The following TDRD12 variants were observed in gnomAD, a reference collection of about 807,000 sequenced individuals.
TDRD12 encodes the protein tudor domain containing 12.
Under a neutral mutation model 133.5 loss-of-function variants are expected in TDRD12, and 158 were observed. The ratio of observed to expected loss-of-function variants is 1.18; its 90% CI spans 1.04 to 1.35. The LOEUF is 1.35. TDRD12 is among the 40% of genes most tolerant of loss of function. TDRD12 has a pLI of 0.00. For synonymous variants in TDRD12, 460 were observed against 477.9 expected (o/e 0.96, Z 0.49); for missense variants, 1,443 against 1,321.3 (o/e 1.09, Z -1.43).
chr19:32,797,986 C>T, intron 15 of TDRD12, 95 bp downstream of exon 15: 1 of 598,514 alleles, frequency 1.7e-6, no homozygotes, highest in Non-Finnish European at 3.0e-6. Context: ...CCTGGGTCCA[C>T]AGTGACATGG....
chr19:32,757,138 C>A lies in TDRD12; in HGVS notation c.865+8C>A. The A allele has an allele frequency of 1.9e-6, 3 of 1,547,682 alleles. No individual in the cohort carries two copies. Among genetic ancestry groups the A allele is most frequent in the Non-Finnish European group, 2.6e-6 (3 of 1,143,374 alleles). ...CAACAGCCACAGCACAGGGTGAGTTCTGCTAATGTGGTTTATTTCATAGGC... is the reference window on the plus strand; with the variant it reads ...CAACAGCCACAGCACAGGGTGAGTTATGCTAATGTGGTTTATTTCATAGGC... On this transcript the variant is annotated splice_region_variant and intron_variant, in intron 8 of 27. Transcript: ENST00000444215.
chr19:32,725,926 A>G (rs1042462248), intron 1 of TDRD12, among the ~76,000 whole-genome samples: 1 of 152,106 alleles, frequency 6.6e-6, no homozygotes, highest in African/African-American at 2.4e-5. Flanking sequence ...TGTAGCAACA[A>G]TTGAATTATT....
intron 1 of TDRD12, among the ~76,000 whole-genome samples, chr19:32,723,375 CA>C (rs1484998211): frequency 2.6e-5 from 4 of 151,822 alleles, no homozygotes; most frequent in African/African-American, 9.7e-5. Context: ...CTCAGCCTCC[CA>C]AGTAGCTGGG....
At chr19:32,810,362 A>C (rs1387751594) in intron 23 of TDRD12, 85 bp downstream of exon 23, 25 of 1,154,706 alleles carry the variant, frequency 2.2e-5, no homozygotes, top group Non-Finnish European at 3.6e-6. Flanking sequence ...ACCTCTGTCC[A>C]TTTGACTGAG....
At chr19:32,794,796 T>C in exon 14 of TDRD12, 1 of 703,280 alleles carries the variant, frequency 1.4e-6, no homozygotes, top group Non-Finnish European at 2.6e-6. Context: ...CTACAAGTCA[T>C]TACCAAGTAG....
At chr19:32,757,010 T>G (rs1490094156) in intron 7 of TDRD12, 28 bp from the exon 8 acceptor site, 3 of 1,528,872 alleles carry the variant, frequency 2.0e-6, no homozygotes, top group South Asian at 2.4e-5. Context: ...TTTCATGCTT[T>G]AATTCTGAAA....
chr19:32,792,519 G>A (rs988835711), intron 13 of TDRD12, among the ~76,000 whole-genome samples: 11 of 152,134 alleles, frequency 7.2e-5, no homozygotes, highest in African/African-American at 2.7e-4. Flanking sequence ...AGACATAAAA[G>A]AGAAGCTAAC....
At chr19:32,822,187 T>TG (rs1176745558), downstream of TDRD12, among the ~76,000 whole-genome samples, 1 of 152,208 alleles carries the variant, frequency 6.6e-6, no homozygotes, top group African/African-American at 2.4e-5. Context: ...CCCAACACTT[T>TG]GGGGGGCTGA....
At chr19:32,750,969 T>G (rs1969807490) in intron 6 of TDRD12, among the ~76,000 whole-genome samples, 1 of 152,200 alleles carries the variant, frequency 6.6e-6, no homozygotes, top group Non-Finnish European at 1.5e-5. Flanking sequence ...CTTCTAAGTT[T>G]GGGGTACCTG....
At position 32,742,766 on chromosome 19, in the gene TDRD12, T is replaced by G; in HGVS notation, c.321-15T>G. 1 of 1,549,738 alleles carries G rather than the reference T, an allele frequency of 6.5e-7. No homozygotes were observed. The highest frequency in any genetic ancestry group is 1.2e-5 in the South Asian group (1 of 83,278). The stretch of plus-strand genomic sequence containing the variant: ...ATTTTCTATATAATGGAGCTGTTTC[T>G]GTTTTACTTTTTAGCATCCGAGTTG... On this transcript the variant is annotated splice_polypyrimidine_tract_variant and intron_variant, in intron 3 of 27. Transcript: ENST00000444215.
chr19:32,719,827 TC>T, exon 1 of TDRD12: 1 of 576,410 alleles, frequency 1.7e-6, no homozygotes, highest in East Asian at 2.9e-5. Flanking sequence ...CAGGCAGGGA[TC>T]CCGCAGCGAG....
intron 11 of TDRD12, 110 bp from the exon 12 acceptor site, chr19:32,790,421 C>G: frequency 9.3e-7 from 1 of 1,073,896 alleles, no homozygotes; most frequent in East Asian, 2.6e-5. Flanking sequence ...TACAGCTGAG[C>G]CTTGGGCTGT....
intron 2 of TDRD12, among the ~76,000 whole-genome samples, chr19:32,735,118 T>A (rs1177969367): frequency 3.3e-5 from 5 of 152,082 alleles, no homozygotes; most frequent in Non-Finnish European, 7.4e-5. Context: ...CACATTAAAT[T>A]AAAAGCTAGA....
chr19:32,776,358 A>G (rs933879545), intron 10 of TDRD12, among the ~76,000 whole-genome samples: 1 of 152,184 alleles, frequency 6.6e-6, no homozygotes, highest in Non-Finnish European at 1.5e-5. Context: ...CTCAGGGTTT[A>G]AGGTCACCAC....
chr19:32,724,383 C>T (rs1043051058), intron 1 of TDRD12, among the ~76,000 whole-genome samples: 12 of 152,108 alleles, frequency 7.9e-5, no homozygotes, highest in Non-Finnish European at 8.8e-5. Flanking sequence ...TCTCCCTCCC[C>T]TCTGTCCCAT....
intron 2 of TDRD12, 132 bp from the exon 3 acceptor site, chr19:32,738,724 A>C (rs1969299535): frequency 2.1e-6 from 2 of 950,050 alleles, no homozygotes; most frequent in Admixed American, 5.8e-5. Flanking sequence ...GAGGCAGGAG[A>C]ATTGCTTGAA....
chr19:32,796,971 A>G (rs1158248549), intron 14 of TDRD12, among the ~76,000 whole-genome samples: 1 of 148,518 alleles, frequency 6.7e-6, no homozygotes, highest in African/African-American at 2.5e-5. Context: ...CCTAAGGAAG[A>G]GAGGTTCGTC....
chr19:32,750,676 G>A lies in TDRD12; in HGVS notation c.582+807G>A, dbSNP rs183798789. Among the ~76,000 whole-genome samples, 618 of 152,188 alleles carry A rather than the reference G, an allele frequency of 4.1e-3. 2 individuals carry two copies. Among genetic ancestry groups the A allele is most frequent in the Middle Eastern group, 6.8e-3 (2 of 294 alleles). On this transcript the variant is annotated intron_variant, in intron 6 of 27. Transcript: ENST00000444215. ...GATCTGCTCCAGCACCTCCCACTGCGCCTGTTTGTCATGTCTCCTTCCCCT... is the reference window on the plus strand; with the variant it reads ...GATCTGCTCCAGCACCTCCCACTGCACCTGTTTGTCATGTCTCCTTCCCCT...
intron 19 of TDRD12, among the ~76,000 whole-genome samples, chr19:32,802,259 CAT>C (rs1405103951): frequency 1.4e-5 from 2 of 144,486 alleles, no homozygotes; most frequent in African/African-American, 5.2e-5. Context: ...TGATAGTGAT[CAT>C]ATATATGATC....
Sources: gnomAD v4.1 joint callset for allele counts (sites outside exome capture counted in the v4.1 genomes callset) on GRCh38, gnomAD v4.1.1 for gene constraint, MANE v1.5 for transcripts, NCBI Gene and HGNC (gene_info 2026-07-23, HGNC 2026-07-21) for gene names.